The following ATP8A1 variants were observed in gnomAD, a reference collection of about 807,000 sequenced individuals.
ATP8A1 encodes the protein phospholipid-transporting ATPase IA.
Under a neutral mutation model 177.7 loss-of-function variants are expected in ATP8A1, and 90 were observed. That is an observed-to-expected ratio of 0.51 (90% confidence interval 0.43 to 0.60). The LOEUF (loss-of-function observed/expected upper bound fraction) is 0.60, where lower values mean the gene tolerates loss of function less well. Among genes scored for constraint, ATP8A1 ranks in the 20% least tolerant of loss-of-function variants. The pLI is 0.00. For synonymous variants in ATP8A1, 493 were observed against 485.9 expected, an observed-to-expected ratio of 1.01 and a Z score of -0.19; for missense variants, 1,072 against 1,392.8, an observed-to-expected ratio of 0.77 and a Z score of 3.67.
intron 7 of ATP8A1, 27 bp from the exon 8 acceptor site, chr4:42,588,356 A>C (rs1365436056): frequency 3.2e-6 from 5 of 1,586,336 alleles, no homozygotes; most frequent in Non-Finnish European, 4.3e-6. Flanking sequence ...AGAAGCACAA[A>C]GATTTAGTGC....
At chr4:42,607,234 A>C (rs186254930) in intron 5 of ATP8A1, among the ~76,000 whole-genome samples, 1 of 152,340 alleles carries the variant, frequency 6.6e-6, no homozygotes, top group African/African-American at 2.4e-5. Flanking sequence ...CAGAATACAG[A>C]AATGAAGAAA....
intron 5 of ATP8A1, among the ~76,000 whole-genome samples, chr4:42,602,177 C>T (rs192562084): frequency 6.1e-4 from 93 of 152,210 alleles, no homozygotes; most frequent in African/African-American, 2.1e-3. Flanking sequence ...ATATCTTAAC[C>T]GCAGAAGTTA....
intron 16 of ATP8A1, among the ~76,000 whole-genome samples, chr4:42,554,138 C>T (rs1399010849): frequency 1.3e-5 from 2 of 152,106 alleles, no homozygotes; most frequent in Non-Finnish European, 2.9e-5. Context: ...TTGCATTTTT[C>T]AGCTGTCATG....
intron 1 of ATP8A1, among the ~76,000 whole-genome samples, chr4:42,628,217 G>GA (rs994522881): frequency 1.3e-5 from 2 of 152,152 alleles, no homozygotes; most frequent in African/African-American, 4.8e-5. Context: ...ACCCACTGAT[G>GA]AAAAAACAAC....
chr4:42,497,968 C>T (rs1289647637), intron 24 of ATP8A1, among the ~76,000 whole-genome samples: 1 of 152,164 alleles, frequency 6.6e-6, no homozygotes, highest in Non-Finnish European at 1.5e-5. Context: ...TTAACACCTT[C>T]AAAGTTAAAC....
intron 25 of ATP8A1, among the ~76,000 whole-genome samples, chr4:42,471,272 GCCTCCAAAA>G (rs1720371445): frequency 6.6e-6 from 1 of 152,140 alleles, no homozygotes; most frequent in Non-Finnish European, 1.5e-5. Flanking sequence ...AGCTCTCCTA[GCCTCCAAAA>G]CCAACATCTG....
chr4:42,622,327 A>G (rs555259456), intron 4 of ATP8A1, among the ~76,000 whole-genome samples: 10 of 152,138 alleles, frequency 6.6e-5, no homozygotes, highest in Non-Finnish European at 1.3e-4. Context: ...GGTTGCAGTG[A>G]GCCAAGATTG....
intron 4 of ATP8A1, among the ~76,000 whole-genome samples, chr4:42,616,681 T>C (rs1335640494): frequency 6.6e-6 from 1 of 152,206 alleles, no homozygotes; most frequent in African/African-American, 2.4e-5. Flanking sequence ...GCCATTGAAT[T>C]ACATAATCTT....
intron 6 of ATP8A1, among the ~76,000 whole-genome samples, chr4:42,593,609 A>C (rs1734414658): frequency 6.6e-6 from 1 of 152,100 alleles, no homozygotes; most frequent in Admixed American, 6.5e-5. Context: ...AAATGATGAT[A>C]AACAACCTCT....
chr4:42,632,353 C>G (rs900509898), intron 1 of ATP8A1, among the ~76,000 whole-genome samples: 7 of 152,122 alleles, frequency 4.6e-5, no homozygotes, highest in Admixed American at 1.3e-4. Context: ...CTGCTTGATT[C>G]CTATTCCCCC....
intron 5 of ATP8A1, among the ~76,000 whole-genome samples, chr4:42,601,464 G>A (rs564702104): frequency 1.1e-4 from 16 of 151,602 alleles, no homozygotes; most frequent in Non-Finnish European, 1.8e-4. Flanking sequence ...ACATCAGTAG[G>A]GTTATCCAGT....
At chr4:42,451,728 T>C (rs1230541917) in intron 30 of ATP8A1, among the ~76,000 whole-genome samples, 1 of 152,176 alleles carries the variant, frequency 6.6e-6, no homozygotes, top group African/African-American at 2.4e-5. Context: ...AAAAAAGCCC[T>C]AAAATTTAAC....
intron 22 of ATP8A1, among the ~76,000 whole-genome samples, chr4:42,520,332 G>A (rs1008578585): frequency 2.0e-5 from 3 of 151,490 alleles, no homozygotes; most frequent in African/African-American, 7.3e-5. Context: ...TCAGAGACAG[G>A]AAAAACATCA....
At chr4:42,497,764 A>ATTATTT (rs1268884008) in intron 24 of ATP8A1, among the ~76,000 whole-genome samples, 1 of 152,204 alleles carries the variant, frequency 6.6e-6, no homozygotes, top group Non-Finnish European at 1.5e-5. Context: ...AGGAGAACAG[A>ATTATTT]TTATTTGTTC....
chr4:42,448,866 T>C (rs1476216361), intron 30 of ATP8A1, among the ~76,000 whole-genome samples: 3 of 142,456 alleles, frequency 2.1e-5, no homozygotes, highest in South Asian at 2.4e-4. Flanking sequence ...GATGGAGTCT[T>C]GTTCTGTCGC....
At chr4:42,433,132 A>G (rs1577920615) in intron 33 of ATP8A1, among the ~76,000 whole-genome samples, 1 of 152,162 alleles carries the variant, frequency 6.6e-6, no homozygotes, top group Admixed American at 6.5e-5. Flanking sequence ...TCTAGCTCCA[A>G]TCATTTTCTG....
intron 1 of ATP8A1, among the ~76,000 whole-genome samples, chr4:42,642,657 C>A (rs984332933): frequency 3.4e-4 from 51 of 152,066 alleles, no homozygotes; most frequent in African/African-American, 9.2e-4. Context: ...AAAAACGATG[C>A]GAGGGTGGAT....
Position 42,507,809 on chromosome 4 carries a change from A to AC in ATP8A1, c.1948-656dup, listed in dbSNP as rs1553890724. ...AAAAAAAAAAAAAAAAAAAAAAAAA[A>AC]CATACAAACAGCTATGGGAGACTAC... On this transcript the variant is annotated intron_variant, in intron 22 of 36. Transcript: ENST00000381668. Among the ~76,000 whole-genome samples, 991 of 139,454 alleles carry AC rather than the reference A, an allele frequency of 7.1e-3. 19 individuals carry two copies. The highest frequency in any genetic ancestry group is 0.028 in the African/African-American group (947 of 34,296). 91.5% of individuals were successfully genotyped at this position (139,454 alleles called of 152,430 possible).
intron 24 of ATP8A1, among the ~76,000 whole-genome samples, chr4:42,490,667 C>G (rs1211239585): frequency 1.3e-5 from 2 of 152,158 alleles, no homozygotes; most frequent in African/African-American, 4.8e-5. Flanking sequence ...CTTCTCTTTG[C>G]ATCTTCATTC....
Sources: gnomAD v4.1 joint callset for allele counts (sites outside exome capture counted in the v4.1 genomes callset) on GRCh38, gnomAD v4.1.1 for gene constraint, MANE v1.5 for transcripts, NCBI Gene and HGNC (gene_info 2026-07-23, HGNC 2026-07-21) for gene names.